TMEM117: variants seen among roughly 807,000 people sequenced by gnomAD.
TMEM117 encodes the protein transmembrane protein 117.
Under a neutral mutation model 52.4 loss-of-function variants are expected in TMEM117, and 27 were observed. The ratio of observed to expected loss-of-function variants is 0.51; its 90% CI spans 0.38 to 0.71. The LOEUF (loss-of-function observed/expected upper bound fraction) is 0.71, where lower values mean the gene tolerates loss of function less well. Among genes scored for constraint, TMEM117 ranks in the 30% least tolerant of loss-of-function variants. TMEM117 has a pLI of 0.00. For missense variants in TMEM117, 556 were observed against 630.5 expected (o/e 0.88, Z 1.26); for synonymous variants, 215 against 206.3 (o/e 1.04, Z -0.36).
intron 5 of TMEM117, among the ~76,000 whole-genome samples, chr12:44,232,341 A>G (rs1342782271): frequency 6.6e-6 from 1 of 151,480 alleles, no homozygotes; most frequent in Non-Finnish European, 1.5e-5. Context: ...TAGATAAACC[A>G]TTGTCCCACA....
the TMEM117 span, among the ~76,000 whole-genome samples, chr12:43,809,582 T>A: frequency 4.1e-4 from 62 of 152,174 alleles, 1 homozygote; most frequent in Admixed American, 3.9e-3. Context: ...AAAAGGTCAT[T>A]TAAAACAGAG....
At chr12:43,972,287 TG>T (rs1294527293) in intron 3 of TMEM117, among the ~76,000 whole-genome samples, 1 of 152,158 alleles carries the variant, frequency 6.6e-6, no homozygotes, top group Admixed American at 6.5e-5. Flanking sequence ...TCTCTTAGTG[TG>T]GGGGGTGGGG....
At chr12:43,805,686 A>AT in the TMEM117 span, 1 of 805,416 alleles carries the variant, frequency 1.2e-6, no homozygotes, top group Non-Finnish European at 1.8e-6. Context: ...TTCTCAGAAC[A>AT]TAACTCTCAT....
chr12:44,284,655 T>C (rs1314670395), intron 5 of TMEM117, among the ~76,000 whole-genome samples: 2 of 152,202 alleles, frequency 1.3e-5, no homozygotes, highest in East Asian at 1.9e-4. Context: ...GCATCTCAGC[T>C]TGGTGGATGA....
At chr12:44,000,601 C>T (rs1443387274) in intron 3 of TMEM117, among the ~76,000 whole-genome samples, 1 of 152,106 alleles carries the variant, frequency 6.6e-6, no homozygotes, top group South Asian at 2.1e-4. Flanking sequence ...TGGGCTGAGT[C>T]TTACTCAGCA....
intron 3 of TMEM117, among the ~76,000 whole-genome samples, chr12:44,127,143 C>T (rs1172282420): frequency 2.0e-5 from 3 of 152,050 alleles, no homozygotes; most frequent in African/African-American, 4.8e-5. Context: ...TACAGGATTT[C>T]TGTGTTGAAT....
chr12:43,853,360 C>T (rs1316056873), intron 2 of TMEM117, among the ~76,000 whole-genome samples: 4 of 152,202 alleles, frequency 2.6e-5, no homozygotes, highest in Admixed American at 1.3e-4. Context: ...ACTGCAACCT[C>T]TGCTTCCCAG....
At chr12:43,890,252 G>A (rs774432450) in intron 2 of TMEM117, among the ~76,000 whole-genome samples, 28 of 152,000 alleles carry the variant, frequency 1.8e-4, no homozygotes, top group Non-Finnish European at 2.9e-5. Flanking sequence ...TTAATTTTTG[G>A]TATTTTCCTT....
chr12:44,374,847 T>A (rs1003045989), intron 6 of TMEM117, among the ~76,000 whole-genome samples: 2 of 152,108 alleles, frequency 1.3e-5, no homozygotes, highest in African/African-American at 4.8e-5. Flanking sequence ...CCAAGAAATC[T>A]TCTCCTCCTT....
intron 2 of TMEM117, among the ~76,000 whole-genome samples, chr12:43,865,746 C>T (rs1031910595): frequency 6.6e-6 from 1 of 151,248 alleles, no homozygotes; most frequent in South Asian, 2.1e-4. Flanking sequence ...TCATACATAC[C>T]AAGTATCAAA....
In TMEM117 at chr12:43,988,611, G is replaced by A. The variant is rs367969782; in HGVS notation, c.410+44269G>A. On this transcript the variant is annotated intron_variant, in intron 3 of 7. Coordinates refer to ENST00000266534, the MANE Select transcript of TMEM117 (RefSeq NM_032256.3). ...ATTTCAATGGTTAGCAATGGGAATT[G>A]CATGGTGATAGGTTGGGGTGTGTCA... Among the ~76,000 whole-genome samples, 62 of 152,164 alleles carry A rather than the reference G, an allele frequency of 4.1e-4. No individual in the cohort carries two copies. In the South Asian group the frequency reaches 0.012, roughly 30 times the overall value.
At chr12:44,176,582 A>T (rs1949119376) in intron 4 of TMEM117, among the ~76,000 whole-genome samples, 1 of 152,122 alleles carries the variant, frequency 6.6e-6, no homozygotes, top group Admixed American at 6.6e-5. Flanking sequence ...TTTTTGCCTT[A>T]CATATGGAGA....
chr12:44,010,048 G>A (rs1244668981), intron 3 of TMEM117: 2 of 375,132 alleles, frequency 5.3e-6, no homozygotes, highest in Non-Finnish European at 1.1e-5. Context: ...ACTTCTTACT[G>A]GGACTGGAGT....
intron 3 of TMEM117, among the ~76,000 whole-genome samples, chr12:44,062,024 G>T (rs1423170042): frequency 6.6e-6 from 1 of 152,114 alleles, no homozygotes; most frequent in Non-Finnish European, 1.5e-5. Context: ...TCAAGATGAG[G>T]AATTATGCCT....
At chr12:43,970,712 G>A (rs767983742) in intron 3 of TMEM117, among the ~76,000 whole-genome samples, 10 of 152,286 alleles carry the variant, frequency 6.6e-5, no homozygotes, top group Admixed American at 1.3e-4. Context: ...ATTATCTGTG[G>A]TTTCGGGCGT....
intron 4 of TMEM117, among the ~76,000 whole-genome samples, chr12:44,165,023 A>G (rs914165773): frequency 6.6e-5 from 10 of 151,988 alleles, no homozygotes; most frequent in African/African-American, 2.2e-4. Flanking sequence ...TATTTCTTCT[A>G]TCTGTACATT....
chr12:44,316,172 A>C (rs746853652), intron 6 of TMEM117, among the ~76,000 whole-genome samples: 18 of 152,192 alleles, frequency 1.2e-4, no homozygotes, highest in Non-Finnish European at 2.1e-4. Flanking sequence ...TCTGTGAACT[A>C]TAGACTTACA....
chr12:44,080,071 G>A (rs1311900963), intron 3 of TMEM117, among the ~76,000 whole-genome samples: 2 of 150,494 alleles, frequency 1.3e-5, no homozygotes, highest in East Asian at 3.9e-4. Flanking sequence ...CGTATACTGA[G>A]GTTTGATAGT....
At chr12:43,894,867 G>T (rs1944171664) in intron 2 of TMEM117, among the ~76,000 whole-genome samples, 1 of 151,572 alleles carries the variant, frequency 6.6e-6, no homozygotes, top group Non-Finnish European at 1.5e-5. Flanking sequence ...TTTTTAAATA[G>T]AATTTATGTG....
Sources: gnomAD v4.1 joint callset for allele counts (sites outside exome capture counted in the v4.1 genomes callset) on GRCh38, gnomAD v4.1.1 for gene constraint, MANE v1.5 for transcripts, NCBI Gene and HGNC (gene_info 2026-07-23, HGNC 2026-07-21) for gene names.